Variants in RNF19B observed in about 807,000 individuals in gnomAD.
RNF19B encodes E3 ubiquitin-protein ligase RNF19B.
RNF19B carries 23 observed loss-of-function variants against 65.5 expected under a neutral mutation model. The observed-to-expected ratio is 0.35, with a 90% CI of 0.25 to 0.50. The LOEUF (loss-of-function observed/expected upper bound fraction) is 0.50. Among genes scored for constraint, RNF19B ranks in the 20% least tolerant of loss-of-function variants. The pLI is 0.98. For synonymous variants in RNF19B, 372 were observed against 379.6 expected (o/e 0.98, Z 0.23); for missense variants, 794 against 980.0 (o/e 0.81, Z 2.53).
intron 7 of RNF19B, among the ~76,000 whole-genome samples, chr1:32,942,046 G>A (rs1642247670): frequency 6.6e-6 from 1 of 151,898 alleles, no homozygotes; most frequent in South Asian, 2.1e-4. Context: ...GCAGTGAGCC[G>A]AGATCACGCC....
At chr1:32,963,912 T>G in intron 1 of RNF19B, 139 bp downstream of exon 1, 2 of 1,316,944 alleles carry the variant, frequency 1.5e-6, no homozygotes, top group Non-Finnish European at 1.9e-6. Context: ...AGTCTGGGCT[T>G]GCCTGATGGT....
chr1:32,942,862 C>T (rs777394832), intron 6 of RNF19B, among the ~76,000 whole-genome samples: 26 of 152,248 alleles, frequency 1.7e-4, no homozygotes, highest in Non-Finnish European at 2.4e-4. Flanking sequence ...AAAAACCGGC[C>T]GGGCGCGGTG....
Position 32,964,212 on chromosome 1 carries a change from C to T in RNF19B, c.474G>A (p.Arg158=), listed in dbSNP as rs2124201462. ...TGCACTCGGGGCAGCTGATGGGCAC[C>T]CTGCTCTCGCTTATCTCCAGGCGCA... ...HYLRLEISES[R]VPISCPECSE... The change falls in exon 1 of 9, where the codon AGG becomes AGA. Residue 158 remains arginine, a synonymous_variant. Transcript: ENST00000235150. This position sits in a 1 kb window ranked among gnomAD's most constrained non-coding sequence, Gnocchi z 6.5. 6.5e-7 allele frequency: 1 copy of T among 1,546,598 alleles called. No homozygotes were observed. The highest frequency in any genetic ancestry group is 1.4e-5 in the African/African-American group (1 of 72,368).
chr1:32,934,621 C>T (rs780144067), downstream of RNF19B, among the ~76,000 whole-genome samples: 5 of 151,968 alleles, frequency 3.3e-5, no homozygotes, highest in Non-Finnish European at 7.4e-5. Context: ...GCTGAGGTTG[C>T]AGTGTGCCAA....
intron 7 of RNF19B, among the ~76,000 whole-genome samples, chr1:32,940,649 T>C (rs969175180): frequency 1.3e-5 from 2 of 152,154 alleles, no homozygotes; most frequent in African/African-American, 4.8e-5. Flanking sequence ...CAGTTGAAGG[T>C]CCTTTGGATA....
rs535840375 is a variant in RNF19B at position 32,944,257 on chromosome 1, A to G, written c.1262-98T>C. 3.0e-6 allele frequency: 4 copies of G among 1,353,218 alleles called. No homozygotes were observed. In the African/African-American group the frequency reaches 4.4e-5, roughly 15 times the overall value. 83.8% of individuals were successfully genotyped at this position (1,353,218 alleles called of 1,614,324 possible). ...GGCATGGACAAACCACTTTATAAAG[A>G]AAGGAAGACAGAAAGTGGCTATCCC... On this transcript the variant is annotated intron_variant, in intron 5 of 8. Transcript: ENST00000235150.
Position 32,938,413 on chromosome 1 carries a change from A to T in RNF19B, c.1726T>A (p.Tyr576Asn), listed in dbSNP as rs777937908. ...TTCACATACCTGTCCTGTGGGTTGTAGGAACTGATTATGGAACCGGCCATA... is the reference window on the plus strand; with the variant it reads ...TTCACATACCTGTCCTGTGGGTTGTTGGAACTGATTATGGAACCGGCCATA... Reference protein sequence around the residue: ...RAMAGSIISSYNPQDRECNNM... With the variant: ...RAMAGSIISSNNPQDRECNNM... The change falls in exon 8 of 9, where the codon TAC (tyrosine) becomes AAC (asparagine). Residue 576 changes from tyrosine to asparagine, a missense_variant. Physicochemically the swap from Tyr to Asn is moderately radical, Grantham distance 143. Transcript: ENST00000235150. 6.2e-7 allele frequency: 1 copy of T among 1,614,184 alleles called. No homozygotes were observed. Among genetic ancestry groups the T allele is most frequent in the South Asian group, 1.1e-5 (1 of 91,084 alleles).
chr1:32,938,259 G>T, intron 8 of RNF19B, 138 bp downstream of exon 8: 3 of 843,568 alleles, frequency 3.6e-6, no homozygotes, highest in Admixed American at 2.3e-5. Flanking sequence ...CCAAGAACTT[G>T]CTCAAATGAA....
chr1:32,935,872 T>C (rs1642088349), downstream of RNF19B, among the ~76,000 whole-genome samples: 1 of 151,810 alleles, frequency 6.6e-6, no homozygotes, highest in Admixed American at 6.6e-5. Context: ...CACAGCCCCC[T>C]GAGTAGCTGG....
Position 32,964,627 on chromosome 1 carries a change from G to T in RNF19B, c.59C>A (p.Pro20His). ...PRSTSLHAAA[P>H]DPKCRSGGRR... ...GCCGCCGCTGCGGCACTTAGGGTCG[G>T]GTGCGGCCGCATGTAGCGATGTGGA... is the stretch of plus-strand genomic sequence containing the variant. Residue 20 changes from proline (P) to histidine (H), a missense_variant, in exon 1 of 9, where the codon CCC (proline) becomes CAC (histidine). This residue lies in a region of RNF19B where 374 missense variants were observed against 423.8 expected (regional missense o/e 0.88). Transcript: ENST00000235150. The surrounding 1 kb of genome is among the most constrained non-coding windows in gnomAD (Gnocchi z 6.5). 1.4e-6 allele frequency: 2 copies of T among 1,473,174 alleles called. No homozygotes were observed. The highest frequency in any genetic ancestry group is 1.8e-6 in the Non-Finnish European group (2 of 1,116,202). The allele number at this position is 1,473,174 out of a possible 1,614,324, so 91.3% of individuals were successfully genotyped here.
chr1:32,939,676 T>C (rs1340318698), intron 7 of RNF19B, among the ~76,000 whole-genome samples: 3 of 152,212 alleles, frequency 2.0e-5, no homozygotes, highest in Non-Finnish European at 2.9e-5. Flanking sequence ...ACTTTCCCAA[T>C]AGTGTCTCAG....
At chr1:32,944,261 G>A in intron 5 of RNF19B, 102 bp from the exon 6 acceptor site, 2 of 1,343,432 alleles carry the variant, frequency 1.5e-6, no homozygotes, top group Non-Finnish European at 2.0e-6. Flanking sequence ...ATAAAGAAAG[G>A]AAGACAGAAA....
chr1:32,961,210 G>C (rs1228169051), intron 1 of RNF19B, among the ~76,000 whole-genome samples: 1 of 152,132 alleles, frequency 6.6e-6, no homozygotes, highest in Non-Finnish European at 1.5e-5. Context: ...AAATAACGTA[G>C]GTAGGAGGCT....
chr1:32,963,706 A>G (rs1468582092), intron 1 of RNF19B, among the ~76,000 whole-genome samples: 1 of 149,074 alleles, frequency 6.7e-6, no homozygotes, highest in African/African-American at 2.5e-5. Flanking sequence ...CGGCAGGGCG[A>G]GACTCCGTCT....
chr1:32,935,236 C>T (rs1400718140), downstream of RNF19B, among the ~76,000 whole-genome samples: 1 of 152,112 alleles, frequency 6.6e-6, no homozygotes, highest in Non-Finnish European at 1.5e-5. Context: ...CTCCCAGGTT[C>T]AAGCGATTCT....
Position 32,949,617 on chromosome 1 carries a change from G to C in RNF19B, c.793C>G (p.Arg265Gly), listed in dbSNP as rs775945827. ...RQQRAQTLRV[R>G]TKHTSGLSYG... is the part of the protein sequence containing the mutation. ...CTGAGACCTGAAGTGTGTTTGGTCCGAACTCGTAAAGTCTGGGCCCTCTGT... is the reference window on the plus strand; with the variant it reads ...CTGAGACCTGAAGTGTGTTTGGTCCCAACTCGTAAAGTCTGGGCCCTCTGT... The change falls in exon 2 of 9, where the codon CGG (arginine) becomes GGG (glycine). Residue 265 changes from arginine to glycine, a missense_variant. By Grantham distance (125) the Arg-to-Gly change is moderately radical. Coordinates refer to ENST00000235150, the MANE Select transcript of RNF19B (RefSeq NM_001300826.2). 6.8e-6 allele frequency: 11 copies of C among 1,613,954 alleles called. No homozygotes were observed. The highest frequency in any genetic ancestry group is 1.6e-4 in the Middle Eastern group (1 of 6,062).
chr1:32,955,081 A>AT (rs1407218794), intron 1 of RNF19B, among the ~76,000 whole-genome samples: 1 of 152,106 alleles, frequency 6.6e-6, no homozygotes, highest in Non-Finnish European at 1.5e-5. Context: ...TAACACTTAC[A>AT]TTATAATGTA....
intron 8 of RNF19B, 121 bp downstream of exon 8, chr1:32,938,276 G>C: frequency 9.5e-7 from 1 of 1,054,230 alleles, no homozygotes; most frequent in Non-Finnish European, 1.5e-6. Flanking sequence ...TGAATTCACA[G>C]GTTACACTAT....
intron 6 of RNF19B, among the ~76,000 whole-genome samples, chr1:32,943,002 G>A (rs367854993): frequency 3.3e-5 from 5 of 151,942 alleles, no homozygotes; most frequent in Non-Finnish European, 7.4e-5. Flanking sequence ...TTAGCCGGGC[G>A]TGGTGGCGGG....
Sources: gnomAD v4.1 joint callset for allele counts (sites outside exome capture counted in the v4.1 genomes callset) on GRCh38, gnomAD v4.1.1 for gene constraint, gnomAD v4.1.1 regional missense constraint, Gnocchi (gnomAD v3.1) non-coding constraint, MANE v1.5 for transcripts, NCBI Gene and HGNC (gene_info 2026-07-23, HGNC 2026-07-21) for gene names.